Variants in KIF16B observed in about 807,000 individuals in gnomAD.
The protein encoded by KIF16B is kinesin family member 16B.
In KIF16B, 98 loss-of-function variants were observed where a neutral mutation model predicts 156.3. The ratio of observed to expected loss-of-function variants is 0.63; its 90% CI spans 0.53 to 0.74. KIF16B has a LOEUF of 0.74. Among genes scored for constraint, KIF16B ranks in the 30% least tolerant of loss-of-function variants. The probability of loss-of-function intolerance (pLI) is 0.00; values close to 1 mark genes in which losing one functional copy is unlikely to be tolerated. For missense variants in KIF16B, 1,421 were observed against 1,606.5 expected (o/e 0.88, Z 1.97); for synonymous variants, 564 against 583.7 (o/e 0.97, Z 0.49).
intron 25 of KIF16B, among the ~76,000 whole-genome samples, chr20:16,301,795 A>C (rs889121977): frequency 2.0e-5 from 3 of 152,016 alleles, no homozygotes; most frequent in Non-Finnish European, 4.4e-5. Context: ...GATTACAGGC[A>C]TGCACCACTA....
intron 12 of KIF16B, among the ~76,000 whole-genome samples, chr20:16,443,670 T>C (rs2066861425): frequency 6.6e-6 from 1 of 152,188 alleles, no homozygotes; most frequent in Non-Finnish European, 1.5e-5. Flanking sequence ...TAACATATCT[T>C]TAGCTAGATA....
intron 12 of KIF16B, among the ~76,000 whole-genome samples, chr20:16,469,203 T>C (rs1363952484): frequency 7.0e-6 from 1 of 142,180 alleles, no homozygotes; most frequent in African/African-American, 2.6e-5. Context: ...CGTGAGCTTA[T>C]GATGGTGCCA....
At chr20:16,480,154 C>T (rs1434798824) in intron 12 of KIF16B, among the ~76,000 whole-genome samples, 1 of 152,060 alleles carries the variant, frequency 6.6e-6, no homozygotes, top group African/African-American at 2.4e-5. Flanking sequence ...ATATATAATG[C>T]CCAGATAGAG....
At chr20:16,298,387 T>G (rs2063422439) in intron 25 of KIF16B, among the ~76,000 whole-genome samples, 1 of 152,234 alleles carries the variant, frequency 6.6e-6, no homozygotes, top group South Asian at 2.1e-4. Context: ...ACTGACTGCA[T>G]GCAAAACTTG....
At chr20:16,453,517 G>A (rs34937054) in intron 12 of KIF16B, among the ~76,000 whole-genome samples, 4,374 of 151,782 alleles carry the variant, frequency 0.029, 70 homozygotes, top group Non-Finnish European at 0.032. Context: ...AAGATAAAAT[G>A]GATAGACAAA....
chr20:16,450,190 T>G (rs1470997523), intron 12 of KIF16B, among the ~76,000 whole-genome samples: 1 of 152,224 alleles, frequency 6.6e-6, no homozygotes, highest in African/African-American at 2.4e-5. Flanking sequence ...ATTTTATAGA[T>G]CTTTGCTAAT....
intron 24 of KIF16B, among the ~76,000 whole-genome samples, chr20:16,313,689 T>A (rs1453037359): frequency 6.6e-6 from 1 of 152,242 alleles, no homozygotes; most frequent in African/African-American, 2.4e-5. Context: ...TCATACAGTA[T>A]GAACTCTTTT....
At chr20:16,355,993 G>C (rs2064433561) in intron 23 of KIF16B, among the ~76,000 whole-genome samples, 1 of 152,192 alleles carries the variant, frequency 6.6e-6, no homozygotes, top group African/African-American at 2.4e-5. Flanking sequence ...AACTGTCCTG[G>C]TTTGCTCAGG....
intron 1 of KIF16B, among the ~76,000 whole-genome samples, chr20:16,534,921 A>C (rs548608993): frequency 6.6e-6 from 1 of 152,172 alleles, no homozygotes; most frequent in South Asian, 2.1e-4. Flanking sequence ...TGTATTTTGA[A>C]GTCAGGTAGT....
intron 15 of KIF16B, among the ~76,000 whole-genome samples, chr20:16,411,727 G>A (rs1466526668): frequency 6.6e-6 from 1 of 151,940 alleles, no homozygotes; most frequent in Non-Finnish European, 1.5e-5. Context: ...CTGGACATGT[G>A]CCGAAAAGAT....
chr20:16,381,628 G>T, intron 18 of KIF16B, 66 bp downstream of exon 18: 2 of 1,249,710 alleles, frequency 1.6e-6, no homozygotes, highest in Non-Finnish European at 2.3e-6. Flanking sequence ...GATGGAATCA[G>T]TCCAGGATAT....
At position 16,406,452 on chromosome 20, in the gene KIF16B, A is replaced by T. The variant is rs1468179294; in HGVS notation, c.1617T>A (p.Ala539=). 2 of 1,613,294 alleles carry T rather than the reference A, an allele frequency of 1.2e-6. No homozygotes were observed. Among genetic ancestry groups the T allele is most frequent in the African/African-American group, 2.7e-5 (2 of 74,858 alleles). The change falls in exon 16 of 26, where the codon GCT becomes GCA. Residue 539 remains alanine (A), a synonymous_variant. Coordinates refer to ENST00000354981, the MANE Select transcript of KIF16B (RefSeq NM_024704.5). ...IVEATHLNQG[A]VILLGRTNMF... ...TATTGGTTCTTCCCAAGAGAATCAC[A>T]GCACCTGAAAACACACAAAAACAGT... is the stretch of plus-strand genomic sequence containing the variant.
intron 17 of KIF16B, among the ~76,000 whole-genome samples, chr20:16,403,012 C>A (rs531929962): frequency 6.6e-6 from 1 of 152,310 alleles, no homozygotes; most frequent in African/African-American, 2.4e-5. Context: ...TGGCTAGTGA[C>A]CCTGTGCTCA....
chr20:16,346,199 G>T (rs1401342467), intron 23 of KIF16B, among the ~76,000 whole-genome samples: 2 of 152,204 alleles, frequency 1.3e-5, no homozygotes, highest in Non-Finnish European at 2.9e-5. Flanking sequence ...AAGAAGCTGG[G>T]CCTCTGCAGG....
At chr20:16,442,352 A>G (rs201436145) in intron 12 of KIF16B, among the ~76,000 whole-genome samples, 12,530 of 92,628 alleles carry the variant, frequency 0.14, 1,149 homozygotes, top group African/African-American at 0.33. Context: ...GTGTGTGTAT[A>G]TATATATATA....
intron 25 of KIF16B, among the ~76,000 whole-genome samples, chr20:16,311,629 G>A (rs2063620952): frequency 1.3e-5 from 2 of 152,244 alleles, no homozygotes; most frequent in Admixed American, 6.5e-5. Flanking sequence ...ACAATGGCAA[G>A]AGAGTGGCCA....
At chr20:16,395,181 G>A (rs1480811298) in intron 17 of KIF16B, among the ~76,000 whole-genome samples, 1 of 60,976 alleles carries the variant, frequency 1.6e-5, no homozygotes, top group Non-Finnish European at 2.8e-5. Context: ...AGATGAGGAA[G>A]GGGAGAGGAG....
intron 24 of KIF16B, among the ~76,000 whole-genome samples, chr20:16,313,802 T>C (rs2063657044): frequency 6.6e-6 from 1 of 152,232 alleles, no homozygotes; most frequent in South Asian, 2.1e-4. Context: ...TATTCCACCA[T>C]GTGAACATTC....
At chr20:16,481,228 ACT>A (rs1266643471) in intron 12 of KIF16B, among the ~76,000 whole-genome samples, 1 of 151,948 alleles carries the variant, frequency 6.6e-6, no homozygotes, top group Non-Finnish European at 1.5e-5. Flanking sequence ...ACAGGTTCTC[ACT>A]CTGTCGCCCT....
Sources: allele counts gnomAD v4.1 joint callset (sites outside exome capture counted in the v4.1 genomes callset), GRCh38; gene constraint gnomAD v4.1.1; transcripts MANE v1.5; gene names NCBI Gene and HGNC (gene_info 2026-07-23, HGNC 2026-07-21).